TMEM154: variants seen among roughly 807,000 people sequenced by gnomAD.
TMEM154 encodes transmembrane protein 154.
TMEM154 carries 27 observed loss-of-function variants against 24.5 expected under a neutral mutation model. The observed-to-expected ratio is 1.10, with a 90% CI of 0.81 to 1.52. The LOEUF is 1.52. TMEM154 is among the 40% of genes most tolerant of loss of function. TMEM154 has a pLI of 0.00. For synonymous variants in TMEM154, 67 were observed against 76.8 expected, an observed-to-expected ratio of 0.87 and a Z score of 0.67; for missense variants, 228 against 213.4, an observed-to-expected ratio of 1.07 and a Z score of -0.43.
chr4:152,633,799 C>T (rs896767095), intron 6 of TMEM154, among the ~76,000 whole-genome samples: 1 of 152,064 alleles, frequency 6.6e-6, no homozygotes, highest in African/African-American at 2.4e-5. Flanking sequence ...CATAGTGAGA[C>T]ACTGTCTCTA....
At chr4:152,665,193 G>A (rs532278954) in intron 1 of TMEM154, among the ~76,000 whole-genome samples, 107 of 152,316 alleles carry the variant, frequency 7.0e-4, no homozygotes, top group African/African-American at 2.3e-3. Flanking sequence ...CTGGGTAATC[G>A]AGCAAGACCC....
chr4:152,625,868 C>T lies in TMEM154; in HGVS notation c.*2678G>A, dbSNP rs931216871. 2.0e-5 allele frequency: 3 copies of T among 151,966 alleles called. No homozygotes were observed. Among genetic ancestry groups the T allele is most frequent in the African/African-American group, 7.2e-5 (3 of 41,382 alleles). 9.4% of individuals were successfully genotyped at this position (151,966 alleles called of 1,614,324 possible). ...CCTGGGCAACATAGTGAGACCCTGT[C>T]TTTAAAAAATAAAATAAAATAATTT... On this transcript the variant is annotated 3_prime_UTR_variant, in exon 7 of 7. Coordinates refer to ENST00000304385, the MANE Select transcript of TMEM154 (RefSeq NM_152680.3).
chr4:152,647,269 T>C (rs1248170326), intron 3 of TMEM154: 1 of 985,364 alleles, frequency 1.0e-6, no homozygotes, highest in Non-Finnish European at 1.2e-6. Flanking sequence ...ATAAAGCATT[T>C]CTGTGGGAGC....
At chr4:152,661,296 C>T (rs1310929505) in intron 1 of TMEM154, among the ~76,000 whole-genome samples, 2 of 79,802 alleles carry the variant, frequency 2.5e-5, no homozygotes, top group African/African-American at 5.3e-5. Flanking sequence ...CTCTCTCTCT[C>T]TCTCTCTCTC....
chr4:152,645,709 A>C (rs1308829140), intron 3 of TMEM154, among the ~76,000 whole-genome samples: 1 of 152,198 alleles, frequency 6.6e-6, no homozygotes, highest in African/African-American at 2.4e-5. Flanking sequence ...ACCAGCAGAC[A>C]CCTGGAACTG....
At chr4:152,657,836 A>G (rs552776695) in intron 1 of TMEM154, among the ~76,000 whole-genome samples, 1 of 152,300 alleles carries the variant, frequency 6.6e-6, no homozygotes. Context: ...AAACAAAACA[A>G]TGACAACAAA....
intron 1 of TMEM154, among the ~76,000 whole-genome samples, chr4:152,676,332 C>T (rs75993221): frequency 0.032 from 4,870 of 152,230 alleles, 261 homozygotes; most frequent in African/African-American, 0.11. Context: ...GGTTCAACAA[C>T]CACAGTTTTC....
chr4:152,664,424 A>G (rs1446008303), intron 1 of TMEM154, among the ~76,000 whole-genome samples: 3 of 152,198 alleles, frequency 2.0e-5, no homozygotes, highest in Admixed American at 6.5e-5. Context: ...TACCTAATAC[A>G]TGCAGGGCTT....
intron 6 of TMEM154, 39 bp downstream of exon 6, chr4:152,640,889 C>T (rs541679972): frequency 1.4e-5 from 18 of 1,318,078 alleles, no homozygotes; most frequent in African/African-American, 7.3e-5. Flanking sequence ...CCCCGCCCCC[C>T]GCCATATACA....
At chr4:152,662,423 T>A (rs1248095023) in intron 1 of TMEM154, among the ~76,000 whole-genome samples, 1 of 151,964 alleles carries the variant, frequency 6.6e-6, no homozygotes. Flanking sequence ...GAATCAAATG[T>A]CATCAAAAGG....
Position 152,640,855 on chromosome 4 carries a change from G to C in TMEM154, c.536+73C>G. 3.7e-6 allele frequency: 5 copies of C among 1,339,384 alleles called. No homozygotes were observed. The South Asian group carries it at 6.1e-5, about 16-fold the overall frequency. The allele number at this position is 1,339,384 out of a possible 1,614,324, so 83.0% of individuals were successfully genotyped here. ...TAGGCACGGAGGAGGTAAGCAAAAA[G>C]TGTTCCACCCTGGTTCCCAATCCCC... On this transcript the variant is annotated intron_variant, in intron 6 of 6. Transcript: ENST00000304385.
At chr4:152,633,430 T>A (rs376142506) in intron 6 of TMEM154, among the ~76,000 whole-genome samples, 2 of 152,372 alleles carry the variant, frequency 1.3e-5, no homozygotes, top group South Asian at 4.1e-4. Context: ...TAGTTAGATA[T>A]GTTTCCTGCT....
intron 1 of TMEM154, among the ~76,000 whole-genome samples, chr4:152,655,840 C>G (rs1728480338): frequency 6.6e-6 from 1 of 152,140 alleles, no homozygotes; most frequent in African/African-American, 2.4e-5. Context: ...GCTGCCTTCA[C>G]CTGAGCTTTC....
chr4:152,646,179 C>A (rs1728221900), intron 3 of TMEM154, among the ~76,000 whole-genome samples: 1 of 152,102 alleles, frequency 6.6e-6, no homozygotes, highest in African/African-American at 2.4e-5. Flanking sequence ...CAGCAAGTGG[C>A]TGCATGGCCC....
chr4:152,658,580 G>A (rs1385315235), intron 1 of TMEM154, among the ~76,000 whole-genome samples: 1 of 152,086 alleles, frequency 6.6e-6, no homozygotes, highest in Non-Finnish European at 1.5e-5. Context: ...GGTCAAGATA[G>A]GAGGATCACC....
At chr4:152,667,627 G>C (rs187256119) in intron 1 of TMEM154, among the ~76,000 whole-genome samples, 1 of 152,352 alleles carries the variant, frequency 6.6e-6, no homozygotes, top group Non-Finnish European at 1.5e-5. Flanking sequence ...ACTTGAAGAA[G>C]TTATGGACAG....
chr4:152,669,808 A>AT, intron 1 of TMEM154: 1 of 152,376 alleles, frequency 6.6e-6, no homozygotes, highest in Non-Finnish European at 1.5e-5. Context: ...CATAGAAAAA[A>AT]TTCAGAAACA....
intron 1 of TMEM154, among the ~76,000 whole-genome samples, chr4:152,661,490 T>A (rs565868679): frequency 6.6e-4 from 100 of 152,262 alleles, no homozygotes; most frequent in African/African-American, 2.3e-3. Context: ...ATGAAGAAAC[T>A]GAATCTTGAA....
chr4:152,653,660 A>G (rs1041733306), intron 1 of TMEM154, among the ~76,000 whole-genome samples: 2 of 151,820 alleles, frequency 1.3e-5, no homozygotes, highest in African/African-American at 4.8e-5. Flanking sequence ...AAAGTGCTAG[A>G]ATTGCAGGTG....
Sources: allele counts gnomAD v4.1 joint callset (sites outside exome capture counted in the v4.1 genomes callset), GRCh38; gene constraint gnomAD v4.1.1; transcripts MANE v1.5; gene names NCBI Gene and HGNC (gene_info 2026-07-23, HGNC 2026-07-21).